PTH2R: variants seen among roughly 807,000 people sequenced by gnomAD.
PTH2R encodes parathyroid hormone 2 receptor, also known as PTH2 receptor.
Under a neutral mutation model 60.3 loss-of-function variants are expected in PTH2R, and 59 were observed. That is an observed-to-expected ratio of 0.98 (90% CI 0.79 to 1.22). PTH2R has a LOEUF of 1.22. PTH2R is among the 50% of genes most tolerant of loss of function. The pLI is 0.00. For missense variants in PTH2R, 749 were observed against 682.6 expected, an observed-to-expected ratio of 1.10 and a Z score of -1.08; for synonymous variants, 256 against 243.8, an observed-to-expected ratio of 1.05 and a Z score of -0.47.
At chr2:208,401,300 T>G (rs1157376690) in intron 1 of PTH2R, among the ~76,000 whole-genome samples, 5 of 152,168 alleles carry the variant, frequency 3.3e-5, no homozygotes, top group Non-Finnish European at 7.4e-5. Flanking sequence ...ACCTGCCACC[T>G]GTATGTTCCA....
chr2:208,376,987 G>T (rs887209201), intron 1 of PTH2R, among the ~76,000 whole-genome samples: 1 of 151,926 alleles, frequency 6.6e-6, no homozygotes, highest in Non-Finnish European at 1.5e-5. Flanking sequence ...GTGAACAAAG[G>T]TCTCTGGTTT....
chr2:208,428,791 A>G (rs908822304), intron 2 of PTH2R, among the ~76,000 whole-genome samples: 1 of 152,224 alleles, frequency 6.6e-6, no homozygotes, highest in African/African-American at 2.4e-5. Flanking sequence ...AGTTTTAAAA[A>G]TGTGTTGGGA....
intron 9 of PTH2R, among the ~76,000 whole-genome samples, chr2:208,462,702 G>A (rs1344030147): frequency 6.6e-6 from 1 of 152,210 alleles, no homozygotes; most frequent in Non-Finnish European, 1.5e-5. Flanking sequence ...TGCATTGGAA[G>A]TAAATAATAA....
intron 8 of PTH2R, among the ~76,000 whole-genome samples, chr2:208,453,703 G>C (rs560295713): frequency 1.3e-5 from 2 of 152,284 alleles, no homozygotes; most frequent in South Asian, 4.1e-4. Flanking sequence ...AGGAGGTGTG[G>C]TTTTTCTTCC....
At chr2:208,449,276 A>G (rs1209443846) in intron 7 of PTH2R, among the ~76,000 whole-genome samples, 1 of 152,214 alleles carries the variant, frequency 6.6e-6, no homozygotes, top group Non-Finnish European at 1.5e-5. Context: ...TCATAGCACC[A>G]ATTCATAACC....
intron 8 of PTH2R, among the ~76,000 whole-genome samples, chr2:208,457,387 A>C (rs2364122): frequency 0.99 from 151,188 of 152,316 alleles, 75,042 homozygotes; most frequent in Middle Eastern, 1. Flanking sequence ...ACTTCAAGAC[A>C]ATTGAATATG....
intron 1 of PTH2R, among the ~76,000 whole-genome samples, chr2:208,400,858 A>G (rs114991691): frequency 0.033 from 5,048 of 152,300 alleles, 258 homozygotes; most frequent in African/African-American, 0.11. Context: ...GTATTTAACC[A>G]GATGTATATG....
chr2:208,437,110 C>A (rs147390568), intron 2 of PTH2R, among the ~76,000 whole-genome samples: 1 of 152,132 alleles, frequency 6.6e-6, no homozygotes, highest in African/African-American at 2.4e-5. Flanking sequence ...CTGAGTCTTG[C>A]GGCTTGCCAG....
At chr2:208,396,691 C>G (rs1701214144) in intron 1 of PTH2R, among the ~76,000 whole-genome samples, 1 of 152,212 alleles carries the variant, frequency 6.6e-6, no homozygotes, top group Non-Finnish European at 1.5e-5. Flanking sequence ...AATAGGAACG[C>G]TTTTACGCTG....
chr2:208,493,343 G>A lies in PTH2R; in HGVS notation c.1337G>A (p.Arg446His), dbSNP rs755161944. 7 of 1,573,082 alleles carry A rather than the reference G, an allele frequency of 4.4e-6. No homozygotes were observed. The highest frequency in any genetic ancestry group is 3.4e-4 in the Middle Eastern group (2 of 5,846). The change falls in exon 13 of 13, where the codon CGC becomes CAC. Residue 446 changes from arginine to histidine, a missense_variant. Transcript: ENST00000272847. ...AAAAGGACACCGCCATGTGGCAGCC[G>A]CAGATGCGGCTCAGTGCTCACCACC... ...DWKRTPPCGS[R>H]RCGSVLTTVT...
rs746197473 is a variant in PTH2R at position 208,481,130 on chromosome 2, A to T, written c.1042A>T (p.Asn348Tyr). 6.2e-7 allele frequency: 1 copy of T among 1,611,982 alleles called. No individual in the cohort carries two copies. The highest frequency in any genetic ancestry group is 8.5e-7 in the Non-Finnish European group (1 of 1,178,222). ...TCTAGCTACCAAAATCTGGGAGACC[A>T]ATGCAGTTGGGCATGACACAAGGAA... ...RVLATKIWETNAVGHDTRKQY... is the reference protein window; with the variant it reads ...RVLATKIWETYAVGHDTRKQY... Residue 348 changes from asparagine (N) to tyrosine (Y), a missense_variant, in exon 10 of 13, where the codon AAT (asparagine) becomes TAT (tyrosine). Physicochemically the swap from Asn to Tyr is moderately radical, Grantham distance 143. Transcript: ENST00000272847.
chr2:208,438,998 A>C (rs1702131494), intron 4 of PTH2R, among the ~76,000 whole-genome samples: 1 of 152,232 alleles, frequency 6.6e-6, no homozygotes, highest in African/African-American at 2.4e-5. Context: ...AAGTAACATC[A>C]ACATTCAGTT....
chr2:208,359,995 A>C (rs1282016711), exon 1 of PTH2R: 1 of 297,476 alleles, frequency 3.4e-6, no homozygotes, highest in Non-Finnish European at 6.8e-6. Context: ...CTTGGGAGGC[A>C]GCCTGCTCTC....
chr2:208,397,158 G>A (rs1448757403), intron 1 of PTH2R, among the ~76,000 whole-genome samples: 1 of 152,090 alleles, frequency 6.6e-6, no homozygotes, highest in Non-Finnish European at 1.5e-5. Flanking sequence ...CCTGTTGTGG[G>A]GTGGGAGGCT....
intron 1 of PTH2R, among the ~76,000 whole-genome samples, chr2:208,415,930 A>T (rs1193033102): frequency 6.6e-6 from 1 of 152,200 alleles, no homozygotes. Context: ...GTCTAGAGAA[A>T]ATAGCTAGTT....
intron 1 of PTH2R, among the ~76,000 whole-genome samples, chr2:208,423,847 T>C (rs1701803498): frequency 6.6e-6 from 1 of 152,208 alleles, no homozygotes; most frequent in Non-Finnish European, 1.5e-5. Context: ...ATAATGTCCC[T>C]CTTTTAGTCT....
Position 208,437,861 on chromosome 2 carries a change from C to G in PTH2R, c.391C>G (p.Pro131Ala). 6.2e-7 allele frequency: 1 copy of G among 1,613,550 alleles called. No homozygotes were observed. Among genetic ancestry groups the G allele is most frequent in the Non-Finnish European group, 8.5e-7 (1 of 1,179,570 alleles). The change falls in exon 4 of 13, where the codon CCA becomes GCA. Residue 131 changes from proline to alanine, a missense_variant. Coordinates refer to ENST00000272847, the MANE Select transcript of PTH2R (RefSeq NM_005048.4). The part of the protein sequence containing the change: ...NYSDCLRFLQ[P>A]DISIGKQEFF... ...TTCAGACTGCCTTCGCTTTCTGCAG[C>G]CAGATATCAGCATAGGAAAGGTAAT... is the stretch of plus-strand genomic sequence containing the variant.
chr2:208,404,134 G>C (rs896181258), upstream of PTH2R, among the ~76,000 whole-genome samples: 1 of 152,170 alleles, frequency 6.6e-6, no homozygotes, highest in Non-Finnish European at 1.5e-5. Flanking sequence ...GAGAGAAGAA[G>C]AACATTAAGT....
At chr2:208,443,609 AC>A (rs1346078064) in intron 6 of PTH2R, 72 bp downstream of exon 6, 26 of 1,289,256 alleles carry the variant, frequency 2.0e-5, no homozygotes, top group East Asian at 1.8e-4. Flanking sequence ...TTTACAGTCC[AC>A]TAAACATGTT....
Sources: allele counts gnomAD v4.1 joint callset (sites outside exome capture counted in the v4.1 genomes callset), GRCh38; gene constraint gnomAD v4.1.1; transcripts MANE v1.5; gene names NCBI Gene and HGNC (gene_info 2026-07-23, HGNC 2026-07-21).